Variants in BTRC observed in about 807,000 individuals in gnomAD.
BTRC encodes beta-transducin repeat containing E3 ubiquitin protein ligase, also known as F-box/WD repeat-containing protein 1A.
BTRC carries 42 observed loss-of-function variants against 85.5 expected under a neutral mutation model. That is an observed-to-expected ratio of 0.49 (90% CI 0.38 to 0.64). The LOEUF is 0.64. BTRC is among the 30% of genes least tolerant of loss of function. BTRC has a pLI of 0.00. For synonymous variants in BTRC, 255 were observed against 263.3 expected (o/e 0.97, Z 0.30); for missense variants, 594 against 743.5 (o/e 0.80, Z 2.34).
chr10:101,384,426 A>G (rs1432235340), intron 1 of BTRC, among the ~76,000 whole-genome samples: 1 of 152,210 alleles, frequency 6.6e-6, no homozygotes, highest in Non-Finnish European at 1.5e-5. Flanking sequence ...TACTTATGTT[A>G]TGTAGCTAAA....
chr10:101,420,171 A>G (rs1300203781), intron 1 of BTRC, among the ~76,000 whole-genome samples: 2 of 152,040 alleles, frequency 1.3e-5, no homozygotes, highest in African/African-American at 4.8e-5. Context: ...GCAATGTAAT[A>G]TTCATTCTAG....
In BTRC at chr10:101,430,262, G is replaced by A. The variant is rs79829544; in HGVS notation, c.49-83G>A. The A allele has an allele frequency of 1.2e-3, 954 of 823,614 alleles. 11 individuals carry two copies. The African/African-American group carries it at 0.014, about 12-fold the overall frequency. The allele number at this position is 823,614 out of a possible 1,614,324, so 51.0% of individuals were successfully genotyped here. A position where few individuals can be genotyped will look rare whatever the true frequency, so the allele number is the denominator to read the frequency against. On this transcript the variant is annotated intron_variant, in intron 1 of 14. Transcript: ENST00000370187. ...AGGTCAGCTGCAACTGGAATATTGC[G>A]TTCAGCCAAGCCTTAAAAATTCCTG...
chr10:101,407,787 A>G (rs953635438), intron 1 of BTRC, among the ~76,000 whole-genome samples: 6 of 151,462 alleles, frequency 4.0e-5, no homozygotes, highest in African/African-American at 1.2e-4. Flanking sequence ...CAGTGGCGCA[A>G]TCTCGGCTCA....
At chr10:101,401,027 C>T (rs1943480024) in intron 1 of BTRC, among the ~76,000 whole-genome samples, 1 of 152,128 alleles carries the variant, frequency 6.6e-6, no homozygotes, top group African/African-American at 2.4e-5. Context: ...GATTCCCAGG[C>T]CTCAGCTGGT....
chr10:101,385,906 T>A (rs1015996359), intron 1 of BTRC, among the ~76,000 whole-genome samples: 6 of 152,250 alleles, frequency 3.9e-5, no homozygotes, highest in African/African-American at 1.4e-4. Flanking sequence ...TATAACTAAG[T>A]TGTGACCTGT....
At chr10:101,486,148 ATCGGCAGGAG>A (rs1287543247) in intron 4 of BTRC, among the ~76,000 whole-genome samples, 16 of 152,206 alleles carry the variant, frequency 1.1e-4, no homozygotes, top group Non-Finnish European at 2.4e-4. Flanking sequence ...ACGCTCAGAG[ATCGGCAGGAG>A]TCCTACTTGC....
chr10:101,412,752 A>G (rs1278193310), intron 1 of BTRC, among the ~76,000 whole-genome samples: 1 of 152,240 alleles, frequency 6.6e-6, no homozygotes, highest in African/African-American at 2.4e-5. Context: ...CTAGTACTCC[A>G]GTCCACACAT....
Position 101,521,841 on chromosome 10 carries a change from T to C in BTRC, c.527T>C (p.Leu176Ser). 6.2e-7 allele frequency: 1 copy of C among 1,613,242 alleles called. No individual in the cohort carries two copies. The highest frequency in any genetic ancestry group is 8.5e-7 in the Non-Finnish European group (1 of 1,179,288). Residue 176 changes from leucine to serine, a missense_variant, in exon 5 of 15, where the codon TTG (leucine) becomes TCG (serine). This residue lies in a region of BTRC where 373 missense variants were observed against 503.6 expected (regional missense o/e 0.74). Coordinates refer to ENST00000370187, the MANE Select transcript of BTRC (RefSeq NM_033637.4). ...ATAAACTCGTATCTTAAACCTATGT[T>C]GCAGAGAGATTTCATAACTGCTCTG... Reference protein sequence around the residue: ...GHINSYLKPMLQRDFITALPA... With the variant: ...GHINSYLKPMSQRDFITALPA...
chr10:101,482,568 T>A (rs112255681), intron 4 of BTRC, among the ~76,000 whole-genome samples: 27 of 151,942 alleles, frequency 1.8e-4, no homozygotes, highest in African/African-American at 6.3e-4. Flanking sequence ...GCTAATTTTT[T>A]GTATTTTTAG....
chr10:101,404,026 ATATATT>A (rs1394602107), intron 1 of BTRC, among the ~76,000 whole-genome samples: 9 of 26,212 alleles, frequency 3.4e-4, no homozygotes, highest in Admixed American at 7.7e-4. Flanking sequence ...ATATATATAT[ATATATT>A]TTTTTTTTTT....
At chr10:101,442,914 C>T (rs555459903) in intron 2 of BTRC, among the ~76,000 whole-genome samples, 3 of 118,640 alleles carry the variant, frequency 2.5e-5, no homozygotes, top group Admixed American at 2.0e-4. Flanking sequence ...TTTTTTGAGA[C>T]GGAGTCTCGC....
chr10:101,408,301 T>A (rs541036804), intron 1 of BTRC, among the ~76,000 whole-genome samples: 1 of 152,122 alleles, frequency 6.6e-6, no homozygotes, highest in Admixed American at 6.6e-5. Context: ...TTCTTCTTTT[T>A]TTTTAAATTT....
intron 2 of BTRC, among the ~76,000 whole-genome samples, chr10:101,439,633 T>C (rs1944628304): frequency 6.6e-6 from 1 of 152,132 alleles, no homozygotes; most frequent in Admixed American, 6.6e-5. Context: ...ATTGATAGGG[T>C]TGGAAGTAGT....
In BTRC at chr10:101,485,283, C is replaced by T. The variant is rs56173069; in HGVS notation, c.324+5826C>T. On this transcript the variant is annotated intron_variant, in intron 4 of 14. Transcript: ENST00000370187. ...GCTTGTGCAGTCTTCTTGCTACCGG[C>T]ACTCATTGTTAAACATACAAGAAAA... Among the ~76,000 whole-genome samples, 473 of 152,330 alleles carry T rather than the reference C, an allele frequency of 3.1e-3. 3 individuals are homozygous for T. Among genetic ancestry groups the T allele is most frequent in the African/African-American group, 0.011 (463 of 41,570 alleles).
At position 101,534,789 on chromosome 10, in the gene BTRC, A is replaced by T. The variant is rs774192286; in HGVS notation, c.1226A>T (p.Asp409Val). The T allele has an allele frequency of 9.9e-6, 16 of 1,614,016 alleles. 1 individual carries two copies. The South Asian group carries it at 1.5e-4, about 16-fold the overall frequency. Residue 409 changes from aspartate (D) to valine (V), a missense_variant, in exon 10 of 15, where the codon GAT becomes GTT. Coordinates refer to ENST00000370187, the MANE Select transcript of BTRC (RefSeq NM_033637.4). Reference protein sequence around the residue: ...CSKDRSIAVWDMASPTDITLR... With the variant: ...CSKDRSIAVWVMASPTDITLR... ...AAAGATCGTTCCATTGCTGTATGGG[A>T]TATGGCCTCCCCAACTGACATTACC...
At chr10:101,470,331 T>C (rs1945487470) in intron 3 of BTRC, among the ~76,000 whole-genome samples, 1 of 36,226 alleles carries the variant, frequency 2.8e-5, no homozygotes, top group Non-Finnish European at 4.8e-5. Context: ...TTTTCTTTCT[T>C]TTTTTTTTTT....
rs772842671 is a variant in BTRC, at chr10:101,525,552, AT to A, written c.557-458del. ...TGACTTAGTGCCTCTCCCCTAGTAC[AT>A]TTAAAGGACATTTCTTTTACCGAAC... On this transcript the variant is annotated intron_variant, in intron 5 of 14. Coordinates refer to ENST00000370187, the MANE Select transcript of BTRC (RefSeq NM_033637.4). 8.1e-4 allele frequency among the ~76,000 whole-genome samples: 124 copies of A among 152,190 alleles called. 1 individual carries two copies. The highest frequency in any genetic ancestry group is 1.6e-3 in the Non-Finnish European group (110 of 68,002).
At chr10:101,412,370 T>G (rs1209143077) in intron 1 of BTRC, among the ~76,000 whole-genome samples, 4 of 152,224 alleles carry the variant, frequency 2.6e-5, no homozygotes, top group African/African-American at 9.6e-5. Flanking sequence ...GGTAGAAGAC[T>G]AGGATAATTT....
intron 4 of BTRC, among the ~76,000 whole-genome samples, chr10:101,483,330 C>T (rs146159129): frequency 6.6e-6 from 1 of 152,182 alleles, no homozygotes; most frequent in African/African-American, 2.4e-5. Context: ...CACGGTGGCT[C>T]ACACCTGTAA....
Sources: allele counts gnomAD v4.1 joint callset (sites outside exome capture counted in the v4.1 genomes callset), GRCh38; gene constraint gnomAD v4.1.1; regional missense constraint gnomAD v4.1.1; transcripts MANE v1.5; gene names NCBI Gene and HGNC (gene_info 2026-07-23, HGNC 2026-07-21).